The following ACER3 variants were observed in gnomAD, a reference collection of about 807,000 sequenced individuals.
The protein encoded by ACER3 is alkaline ceramidase 3, also known as alkCDase 3.
ACER3 carries 16 observed loss-of-function variants against 48.9 expected under a neutral mutation model. The ratio of observed to expected loss-of-function variants is 0.33; its 90% CI spans 0.22 to 0.50. ACER3 has a LOEUF of 0.50. Ranked by LOEUF, ACER3 falls within the 20% of genes least tolerant of loss-of-function variation. The pLI, the probability that ACER3 is intolerant of heterozygous loss-of-function variation, is 0.98. For synonymous variants in ACER3, 109 were observed against 107.8 expected (o/e 1.01, Z -0.07); for missense variants, 227 against 326.0 (o/e 0.70, Z 2.34).
At chr11:77,014,575 T>C (rs782259566) in intron 7 of ACER3, among the ~76,000 whole-genome samples, 1 of 152,236 alleles carries the variant, frequency 6.6e-6, no homozygotes, top group Non-Finnish European at 1.5e-5. Context: ...GCTAATCCAC[T>C]ATCACCCTGC....
chr11:76,873,573 C>T (rs931957358), intron 1 of ACER3, among the ~76,000 whole-genome samples: 2 of 152,138 alleles, frequency 1.3e-5, no homozygotes, highest in Non-Finnish European at 2.9e-5. Flanking sequence ...TAGTACCTTT[C>T]CCAAGCTTAA....
intron 1 of ACER3, among the ~76,000 whole-genome samples, chr11:76,895,371 A>C (rs1193296576): frequency 6.6e-6 from 1 of 152,172 alleles, no homozygotes; most frequent in African/African-American, 2.4e-5. Flanking sequence ...TCTCTATGTC[A>C]CTAGCAGGAA....
intron 7 of ACER3, among the ~76,000 whole-genome samples, chr11:77,000,042 C>G (rs1948995498): frequency 6.6e-6 from 1 of 152,134 alleles, no homozygotes; most frequent in African/African-American, 2.4e-5. Flanking sequence ...AATTGCTTTT[C>G]AGAGTAGCTC....
intron 6 of ACER3, among the ~76,000 whole-genome samples, chr11:76,991,815 C>CAAAAAAAAA (rs5792751): frequency 8.1e-6 from 1 of 123,288 alleles, no homozygotes; most frequent in African/African-American, 3.1e-5. Context: ...AACTCTGTCT[C>CAAAAAAAAA]AAAAAAAAAA....
intron 3 of ACER3, 171 bp downstream of exon 3, chr11:76,959,202 TGA>T: frequency 2.0e-6 from 3 of 1,502,964 alleles, no homozygotes; most frequent in Non-Finnish European, 2.7e-6. Context: ...AATAAGCAGG[TGA>T]GTCCATAAGG....
At chr11:76,926,437 T>C in intron 1 of ACER3, 120 bp from the exon 2 acceptor site, 1 of 507,144 alleles carries the variant, frequency 2.0e-6, no homozygotes. Context: ...CTTGAAAATA[T>C]CTTCCCAATG....
chr11:76,862,253 A>G (rs1590845743), intron 1 of ACER3, among the ~76,000 whole-genome samples: 1 of 150,596 alleles, frequency 6.6e-6, no homozygotes, highest in South Asian at 2.1e-4. Flanking sequence ...AAATGGTCCC[A>G]CTTTATTCTG....
intron 1 of ACER3, among the ~76,000 whole-genome samples, chr11:76,883,181 G>A (rs901465415): frequency 2.0e-5 from 3 of 152,066 alleles, no homozygotes; most frequent in East Asian, 1.9e-4. Context: ...CTTACACTCC[G>A]GTGCTTCCAG....
intron 4 of ACER3, among the ~76,000 whole-genome samples, chr11:76,980,627 C>T (rs771266956): frequency 9.9e-5 from 15 of 152,002 alleles, no homozygotes; most frequent in East Asian, 3.9e-4. Flanking sequence ...CAATGAGCCA[C>T]GATTGTGCTG....
chr11:76,987,632 A>G (rs955683961), intron 5 of ACER3, among the ~76,000 whole-genome samples: 2 of 152,148 alleles, frequency 1.3e-5, no homozygotes, highest in African/African-American at 4.8e-5. Flanking sequence ...AAAAAGTAGC[A>G]TAGGCCGTTA....
In ACER3 at chr11:76,860,927, C is replaced by A; in HGVS notation, c.-50C>A. 7.2e-7 allele frequency: 1 copy of A among 1,388,046 alleles called. No homozygotes were observed. Among genetic ancestry groups the A allele is most frequent in the South Asian group, 1.3e-5 (1 of 74,836 alleles). 86.0% of individuals were successfully genotyped at this position (1,388,046 alleles called of 1,614,324 possible). On this transcript the variant is annotated 5_prime_UTR_variant, in exon 1 of 11. Coordinates refer to ENST00000532485, the MANE Select transcript of ACER3 (RefSeq NM_018367.7). ...GGCCGGAGCCGGCCTGGTCGCCAGC[C>A]TAACCCGGCACAGTGAGCGGAGCGC...
At chr11:76,913,131 A>T (rs1324735659) in intron 1 of ACER3, among the ~76,000 whole-genome samples, 1 of 152,144 alleles carries the variant, frequency 6.6e-6, no homozygotes, top group African/African-American at 2.4e-5. Context: ...CTTTGAAGCA[A>T]TTGTGAATGG....
intron 2 of ACER3, among the ~76,000 whole-genome samples, chr11:76,929,835 A>G (rs10899319): frequency 0.57 from 86,563 of 152,024 alleles, 27,973 homozygotes; most frequent in Non-Finnish European, 0.74. Flanking sequence ...GATCATGGTG[A>G]ATAAGCTTTT....
At chr11:76,935,727 T>C (rs4944128) in intron 2 of ACER3, among the ~76,000 whole-genome samples, 86,834 of 152,078 alleles carry the variant, frequency 0.57, 28,001 homozygotes, top group Non-Finnish European at 0.74. Flanking sequence ...CTGATGAATC[T>C]ACTATTACTG....
chr11:76,919,776 T>C (rs1297270539), intron 1 of ACER3, among the ~76,000 whole-genome samples: 2 of 152,166 alleles, frequency 1.3e-5, no homozygotes, highest in African/African-American at 4.8e-5. Flanking sequence ...TATAGCAACA[T>C]TGTAGAAAAT....
intron 7 of ACER3, among the ~76,000 whole-genome samples, chr11:77,002,518 T>C (rs1027901252): frequency 5.3e-5 from 8 of 152,208 alleles, no homozygotes; most frequent in African/African-American, 1.9e-4. Flanking sequence ...TTAAGGATTT[T>C]TGTATCTGTA....
chr11:77,024,067 C>G lies in ACER3; in HGVS notation c.*3740C>G, dbSNP rs12787895. The G allele has an allele frequency of 1.2e-5, 1 of 80,292 alleles. No individual in the cohort carries two copies. Among genetic ancestry groups the G allele is most frequent in the Non-Finnish European group, 2.2e-5 (1 of 45,738 alleles). 5.0% of individuals were successfully genotyped at this position (80,292 alleles called of 1,614,324 possible). On this transcript the variant is annotated 3_prime_UTR_variant, in exon 11 of 11. Coordinates refer to ENST00000532485, the MANE Select transcript of ACER3 (RefSeq NM_018367.7). The stretch of plus-strand genomic sequence containing the variant: ...CCAGCCTGGGCAACAGAGCGAGACT[C>G]TGTCTCAAAAAAAAAAAAAAAAAAA...
chr11:77,006,135 G>C (rs1482812758), intron 7 of ACER3, among the ~76,000 whole-genome samples: 2 of 150,480 alleles, frequency 1.3e-5, no homozygotes, highest in African/African-American at 2.4e-5. Context: ...GATTACAGGC[G>C]CTGCCTCCAT....
chr11:77,020,643 T>A lies in ACER3; in HGVS notation c.*316T>A, dbSNP rs1949457416. 8.2e-6 allele frequency: 2 copies of A among 244,294 alleles called. No homozygotes were observed. The highest frequency in any genetic ancestry group is 1.8e-4 in the East Asian group (2 of 10,926). 15.1% of individuals were successfully genotyped at this position (244,294 alleles called of 1,614,324 possible). A position where few individuals can be genotyped will look rare whatever the true frequency, so the allele number is the denominator to read the frequency against. On this transcript the variant is annotated 3_prime_UTR_variant, in exon 11 of 11. Transcript: ENST00000532485. ...ACAGGTTAACAGTTTGTGCTGGTTA[T>A]AAGAAATTAACCTTCTTTTCTTTTT...
Sources: gnomAD v4.1 joint callset for allele counts (sites outside exome capture counted in the v4.1 genomes callset) on GRCh38, gnomAD v4.1.1 for gene constraint, MANE v1.5 for transcripts, NCBI Gene and HGNC (gene_info 2026-07-23, HGNC 2026-07-21) for gene names.